The following TBC1D14 variants were observed in gnomAD, a reference collection of about 807,000 sequenced individuals.
TBC1D14 encodes the protein TBC1 domain family, member 14.
Under a neutral mutation model 79.0 loss-of-function variants are expected in TBC1D14, and 26 were observed. The observed-to-expected ratio is 0.33, with a 90% CI of 0.24 to 0.46. The LOEUF (loss-of-function observed/expected upper bound fraction) is 0.46, where lower values mean the gene tolerates loss of function less well. TBC1D14 is among the 20% of genes least tolerant of loss of function. The pLI is 1.00. For synonymous variants in TBC1D14, 394 were observed against 349.9 expected, an observed-to-expected ratio of 1.13 and a Z score of -1.40; for missense variants, 769 against 887.6, an observed-to-expected ratio of 0.87 and a Z score of 1.70.
At position 7,030,201 on chromosome 4, in the gene TBC1D14, G is replaced by T. The variant is rs538247856; in HGVS notation, c.2017-126G>T. 3.5e-5 allele frequency: 29 copies of T among 818,114 alleles called. No individual in the cohort carries two copies. The African/African-American group carries it at 4.5e-4, about 13-fold the overall frequency. The allele number at this position is 818,114 out of a possible 1,614,324, so 50.7% of individuals were successfully genotyped here. A position where few individuals can be genotyped will look rare whatever the true frequency, so the allele number is the denominator to read the frequency against. On this transcript the variant is annotated intron_variant, in intron 13 of 13. Coordinates refer to ENST00000409757, the MANE Select transcript of TBC1D14 (RefSeq NM_020773.3). ...ACGTAGGAGTGGAAGACCCTGGAGGGTTGGAGGCAGTGGAAGTGGGGAGCC... is the reference window on the plus strand; with the variant it reads ...ACGTAGGAGTGGAAGACCCTGGAGGTTTGGAGGCAGTGGAAGTGGGGAGCC...
intron 12 of TBC1D14, among the ~76,000 whole-genome samples, chr4:7,019,438 C>T (rs1003686977): frequency 6.6e-6 from 1 of 152,156 alleles, no homozygotes; most frequent in East Asian, 1.9e-4. Context: ...CAGGTTGCCC[C>T]ACGAGTGCCT....
chr4:6,948,121 T>C (rs746853885), intron 2 of TBC1D14, among the ~76,000 whole-genome samples: 6 of 152,162 alleles, frequency 3.9e-5, no homozygotes, highest in Non-Finnish European at 7.4e-5. Flanking sequence ...TTAGCATGTA[T>C]TGAAATTTTA....
intron 3 of TBC1D14, among the ~76,000 whole-genome samples, chr4:6,990,209 G>C (rs992392564): frequency 1.3e-5 from 2 of 152,218 alleles, no homozygotes; most frequent in African/African-American, 4.8e-5. Flanking sequence ...CAGCACTTTG[G>C]AGGCTGAGGT....
chr4:6,964,820 A>C (rs1715557485), intron 2 of TBC1D14, among the ~76,000 whole-genome samples: 2 of 152,208 alleles, frequency 1.3e-5, no homozygotes, highest in African/African-American at 4.8e-5. Context: ...CTGTAACTTT[A>C]TTTTGATAAA....
At chr4:6,986,490 A>G (rs533467995) in intron 3 of TBC1D14, among the ~76,000 whole-genome samples, 41 of 152,298 alleles carry the variant, frequency 2.7e-4, no homozygotes, top group Non-Finnish European at 5.0e-4. Context: ...GGCGGCCGTC[A>G]CAGGCTTCCT....
chr4:7,004,989 A>G, intron 8 of TBC1D14, 65 bp downstream of exon 8: 1 of 1,439,774 alleles, frequency 6.9e-7, no homozygotes, highest in Non-Finnish European at 9.8e-7. Context: ...TTTATTACAT[A>G]GTGAAGAAAG....
chr4:6,925,736 A>G (rs1208683307), intron 2 of TBC1D14, among the ~76,000 whole-genome samples: 1 of 152,084 alleles, frequency 6.6e-6, no homozygotes, highest in Non-Finnish European at 1.5e-5. Flanking sequence ...TCTTGTCACT[A>G]TCCCTTCTGA....
At chr4:6,987,942 A>T (rs552695538) in intron 3 of TBC1D14, among the ~76,000 whole-genome samples, 7 of 152,362 alleles carry the variant, frequency 4.6e-5, no homozygotes, top group African/African-American at 1.7e-4. Context: ...CAACATTCCC[A>T]GTAACTTAGA....
At position 7,025,110 on chromosome 4, in the gene TBC1D14, A is replaced by T. The variant is rs1480971208; in HGVS notation, c.1864A>T (p.Ile622Phe). The T allele has an allele frequency of 6.2e-7, 1 of 1,614,074 alleles. No homozygotes were observed. Among genetic ancestry groups the T allele is most frequent in the African/African-American group, 1.3e-5 (1 of 74,916 alleles). The change falls in exon 13 of 14, where the codon ATC (isoleucine) becomes TTC (phenylalanine). Residue 622 changes from isoleucine (I) to phenylalanine (F), a missense_variant. Ile to Phe is a conservative substitution (Grantham distance 21, BLOSUM62 0). Around this residue, in one of 2 missense-constraint regions of TBC1D14, gnomAD observed 367 missense variants for 494.4 expected, o/e 0.74. Transcript: ENST00000409757. ...GTTCCTGTTCCGCACGGCCCTGGGC[A>T]TCCTGAAGCTGTTCGAGGACATCCT... ...EEFLFRTALG[I>F]LKLFEDILTK...
intron 2 of TBC1D14, among the ~76,000 whole-genome samples, chr4:6,953,703 G>A (rs1714334486): frequency 6.6e-6 from 1 of 150,436 alleles, no homozygotes; most frequent in Non-Finnish European, 1.5e-5. Context: ...CTGGGTTTTC[G>A]TTTTTGTCTT....
At chr4:6,990,663 G>T (rs1042659328) in intron 3 of TBC1D14, among the ~76,000 whole-genome samples, 1 of 152,162 alleles carries the variant, frequency 6.6e-6, no homozygotes, top group Non-Finnish European at 1.5e-5. Flanking sequence ...ACCAGTACTT[G>T]CCTGGCACAC....
At chr4:6,991,139 C>T (rs1227031408) in intron 3 of TBC1D14, among the ~76,000 whole-genome samples, 1 of 152,198 alleles carries the variant, frequency 6.6e-6, no homozygotes, top group Non-Finnish European at 1.5e-5. Flanking sequence ...GCTAGGCCAC[C>T]TGTGTTACTT....
intron 7 of TBC1D14, among the ~76,000 whole-genome samples, chr4:7,003,403 G>A (rs1719861838): frequency 6.6e-6 from 1 of 152,208 alleles, no homozygotes; most frequent in Non-Finnish European, 1.5e-5. Context: ...CCGAAAGCAG[G>A]TGGAAGTGCC....
rs912267425 is a variant in TBC1D14 at position 7,031,092 on chromosome 4, A to C, written c.*700A>C. 2 of 152,370 alleles carry C rather than the reference A, an allele frequency of 1.3e-5. No individual in the cohort carries two copies. The highest frequency in any genetic ancestry group is 4.8e-5 in the African/African-American group (2 of 41,454). 9.4% of individuals were successfully genotyped at this position (152,370 alleles called of 1,614,324 possible). Reference sequence around the variant, plus strand: ...CTGCTCCCTGGCATCGGTCCTGCGGAGGTGGAAAGTTCGAGAGGAGGAGCT... The same window carrying C: ...CTGCTCCCTGGCATCGGTCCTGCGGCGGTGGAAAGTTCGAGAGGAGGAGCT... On this transcript the variant is annotated 3_prime_UTR_variant, in exon 14 of 14. Transcript: ENST00000409757.
chr4:7,010,165 C>T (rs2301821), intron 10 of TBC1D14, among the ~76,000 whole-genome samples: 1 of 152,080 alleles, frequency 6.6e-6, no homozygotes, highest in Admixed American at 6.5e-5. Context: ...ACATTTTAAT[C>T]GAATGCAATT....
In TBC1D14 at chr4:7,031,906, T is replaced by C. The variant is rs1723091749; in HGVS notation, c.*1514T>C. 6.6e-6 allele frequency: 1 copy of C among 152,372 alleles called. No individual in the cohort carries two copies. The highest frequency in any genetic ancestry group is 1.5e-5 in the Non-Finnish European group (1 of 68,146). 9.4% of individuals were successfully genotyped at this position (152,372 alleles called of 1,614,324 possible). Reference sequence around the variant, plus strand: ...AGGGGCTGGGGAAGGAAAGCCGAGCTGGCATTCGTTCTCTGGACTTTTTAT... The same window carrying C: ...AGGGGCTGGGGAAGGAAAGCCGAGCCGGCATTCGTTCTCTGGACTTTTTAT... On this transcript the variant is annotated 3_prime_UTR_variant, in exon 14 of 14. Transcript: ENST00000409757.
At chr4:6,962,010 T>C (rs1715252281) in intron 2 of TBC1D14, among the ~76,000 whole-genome samples, 1 of 152,224 alleles carries the variant, frequency 6.6e-6, no homozygotes, top group Admixed American at 6.5e-5. Flanking sequence ...GAGGTGTGTC[T>C]GAGCCAAGGC....
At chr4:6,982,987 T>A (rs974986309) in intron 3 of TBC1D14, among the ~76,000 whole-genome samples, 9 of 152,224 alleles carry the variant, frequency 5.9e-5, no homozygotes, top group African/African-American at 2.2e-4. Context: ...TACACTTTTG[T>A]ACCTTTTGTA....
rs1194471832 is a variant in TBC1D14 at position 6,923,829 on chromosome 4, C to T, written c.440C>T (p.Ala147Val). 1.2e-6 allele frequency: 2 copies of T among 1,614,186 alleles called. No homozygotes were observed. Among genetic ancestry groups the T allele is most frequent in the Admixed American group, 1.7e-5 (1 of 60,024 alleles). The change falls in exon 2 of 14, where the codon GCC becomes GTC. Residue 147 changes from alanine (A) to valine (V), a missense_variant. By Grantham distance (64) the Ala-to-Val change is moderately conservative. Around this residue, in one of 2 missense-constraint regions of TBC1D14, gnomAD observed 402 missense variants for 393.2 expected, o/e 1.02. Transcript: ENST00000409757. ...AAGCTCTATAGCCCGACCTCCAAAG[C>T]CCTGACCCGCAGCGATGATGTCTCC... ...SVKLYSPTSK[A>V]LTRSDDVSVC...
Sources: allele counts gnomAD v4.1 joint callset (sites outside exome capture counted in the v4.1 genomes callset), GRCh38; gene constraint gnomAD v4.1.1; regional missense constraint gnomAD v4.1.1; transcripts MANE v1.5; gene names NCBI Gene and HGNC (gene_info 2026-07-23, HGNC 2026-07-21).